GPC5: variants seen among roughly 807,000 people sequenced by gnomAD.
The protein encoded by GPC5 is glypican-5.
GPC5 carries 47 observed loss-of-function variants against 53.9 expected under a neutral mutation model. The observed-to-expected ratio is 0.87, with a 90% CI of 0.69 to 1.11. The LOEUF (loss-of-function observed/expected upper bound fraction) is 1.11, where lower values mean the gene tolerates loss of function less well. GPC5 is among the 50% of genes most tolerant of loss of function. The pLI is 0.00. For synonymous variants in GPC5, 286 were observed against 263.3 expected (o/e 1.09, Z -0.84); for missense variants, 748 against 713.1 (o/e 1.05, Z -0.56).
At chr13:92,624,058 C>T (rs1402107361) in intron 7 of GPC5, among the ~76,000 whole-genome samples, 1 of 147,552 alleles carries the variant, frequency 6.8e-6, no homozygotes, top group Non-Finnish European at 1.5e-5. Flanking sequence ...GACGGCGTTT[C>T]CCCACGTTGG....
chr13:91,692,138 T>C lies in GPC5; in HGVS notation c.326-1049T>C, dbSNP rs370828873. Among the ~76,000 whole-genome samples, 177 of 152,300 alleles carry C rather than the reference T, an allele frequency of 1.2e-3. 4 individuals carry two copies. In the South Asian group the frequency reaches 0.035, roughly 30 times the overall value. On this transcript the variant is annotated intron_variant, in intron 2 of 7. Coordinates refer to ENST00000377067, the MANE Select transcript of GPC5 (RefSeq NM_004466.6). ...ATTCTTGGTTCTTTTTGTGGATAAA[T>C]TGACTTGAGATCATCAGTTATTTAA...
intron 6 of GPC5, among the ~76,000 whole-genome samples, chr13:91,996,722 A>G (rs1020789867): frequency 1.1e-4 from 17 of 152,032 alleles, no homozygotes; most frequent in African/African-American, 3.9e-4. Flanking sequence ...TACTTCTAAC[A>G]CTGTAGTTTA....
At chr13:91,973,746 T>C (rs1222582873) in intron 6 of GPC5, among the ~76,000 whole-genome samples, 1 of 152,230 alleles carries the variant, frequency 6.6e-6, no homozygotes, top group Non-Finnish European at 1.5e-5. Context: ...TGACCCTGTT[T>C]GCCTGGGTGT....
chr13:92,358,466 G>A (rs746770493), intron 7 of GPC5, among the ~76,000 whole-genome samples: 5 of 151,702 alleles, frequency 3.3e-5, no homozygotes, highest in Non-Finnish European at 5.9e-5. Context: ...CTAGTAGGCC[G>A]TGCCCCAGTG....
intron 7 of GPC5, among the ~76,000 whole-genome samples, chr13:92,510,359 C>T (rs74385024): frequency 0.026 from 4,006 of 152,068 alleles, 190 homozygotes; most frequent in African/African-American, 0.091. Flanking sequence ...TCTTAAGATG[C>T]CAGTGGGTTA....
chr13:91,434,942 T>A, intron 1 of GPC5, among the ~76,000 whole-genome samples: 1 of 152,190 alleles, frequency 6.6e-6, no homozygotes, highest in Non-Finnish European at 1.5e-5. Flanking sequence ...TTATTCTCTT[T>A]GAAGCAATTG....
intron 7 of GPC5, among the ~76,000 whole-genome samples, chr13:92,335,174 G>A (rs889176928): frequency 7.9e-5 from 12 of 152,114 alleles, no homozygotes; most frequent in Admixed American, 1.3e-4. Context: ...ACATCCAGGC[G>A]TTTTCATACA....
intron 6 of GPC5, among the ~76,000 whole-genome samples, chr13:91,950,701 G>A (rs2040018963): frequency 1.3e-5 from 2 of 152,312 alleles, no homozygotes; most frequent in South Asian, 4.1e-4. Flanking sequence ...TGTATACTCT[G>A]CGCTTTCTAC....
chr13:91,677,054 A>G (rs1308990155), intron 2 of GPC5, among the ~76,000 whole-genome samples: 2 of 152,260 alleles, frequency 1.3e-5, no homozygotes, highest in Non-Finnish European at 2.9e-5. Flanking sequence ...AAGTGCAGTA[A>G]TAACAAGTGT....
intron 2 of GPC5, among the ~76,000 whole-genome samples, chr13:91,562,438 T>C (rs2031319346): frequency 6.6e-6 from 1 of 151,966 alleles, no homozygotes; most frequent in Admixed American, 6.6e-5. Flanking sequence ...GCATATGTTC[T>C]ATGATTAAAC....
intron 6 of GPC5, among the ~76,000 whole-genome samples, chr13:91,982,459 A>T (rs2138718928): frequency 6.6e-6 from 1 of 152,298 alleles, no homozygotes. Context: ...GAAACAAAAT[A>T]ATAAAAAAGC....
chr13:92,327,173 C>G (rs1433403400), intron 7 of GPC5, among the ~76,000 whole-genome samples: 2 of 152,108 alleles, frequency 1.3e-5, no homozygotes, highest in Non-Finnish European at 1.5e-5. Context: ...TTTGCCTTTG[C>G]CTTCTTCAAA....
At chr13:91,722,284 C>G (rs1234040200) in intron 3 of GPC5, among the ~76,000 whole-genome samples, 2 of 152,154 alleles carry the variant, frequency 1.3e-5, no homozygotes, top group Non-Finnish European at 2.9e-5. Context: ...TTTTCCATTT[C>G]TTATTTAACG....
In GPC5 at chr13:92,496,276, T is replaced by C. The variant is rs148560895; in HGVS notation, c.1561+351287T>C. ...ATCAATTTGTAATAGCAATGAATCA[T>C]AGGACAAGTTCAAACATTAGAAATA... is the stretch of plus-strand genomic sequence containing the variant. On this transcript the variant is annotated intron_variant, in intron 7 of 7. Coordinates refer to ENST00000377067, the MANE Select transcript of GPC5 (RefSeq NM_004466.6). Among the ~76,000 whole-genome samples the C allele has an allele frequency of 4.0e-3, 609 of 152,308 alleles. 7 individuals are homozygous for C. The highest frequency in any genetic ancestry group is 0.014 in the African/African-American group (592 of 41,580).
At chr13:92,631,362 T>A (rs1420328551) in intron 7 of GPC5, among the ~76,000 whole-genome samples, 1 of 152,100 alleles carries the variant, frequency 6.6e-6, no homozygotes, top group East Asian at 1.9e-4. Context: ...TTTTTCTCAA[T>A]TCAGTTTAAA....
intron 7 of GPC5, among the ~76,000 whole-genome samples, chr13:92,450,268 C>T (rs1254412837): frequency 6.6e-6 from 1 of 152,090 alleles, no homozygotes; most frequent in East Asian, 1.9e-4. Flanking sequence ...AGCTTGAGAA[C>T]AGAAGTATTT....
At chr13:92,693,009 A>G (rs1887458030) in intron 7 of GPC5, among the ~76,000 whole-genome samples, 1 of 151,822 alleles carries the variant, frequency 6.6e-6, no homozygotes, top group Non-Finnish European at 1.5e-5. Context: ...GTGGGTTCTA[A>G]TAATATCTGA....
intron 7 of GPC5, among the ~76,000 whole-genome samples, chr13:92,252,085 G>T (rs2042696424): frequency 6.6e-6 from 1 of 152,144 alleles, no homozygotes; most frequent in Non-Finnish European, 1.5e-5. Flanking sequence ...TAGAGCTTAA[G>T]TAACTTGGAA....
Position 91,847,087 on chromosome 13 carries a change from C to G in GPC5, c.1281-60850C>G, listed in dbSNP as rs376827330. On this transcript the variant is annotated intron_variant, in intron 5 of 7. Transcript: ENST00000377067. Reference sequence around the variant, plus strand: ...ACAAAAAATTAGCCGGGTGCGGTGGCGGGCACCTGTAGTCCCAGCTACTCG... The same window carrying G: ...ACAAAAAATTAGCCGGGTGCGGTGGGGGGCACCTGTAGTCCCAGCTACTCG... Among the ~76,000 whole-genome samples the G allele has an allele frequency of 1.9e-4, 29 of 151,580 alleles. 1 individual carries two copies. Among genetic ancestry groups the G allele is most frequent in the Non-Finnish European group, 3.5e-4 (24 of 67,896 alleles).
Sources: allele counts gnomAD v4.1 joint callset (sites outside exome capture counted in the v4.1 genomes callset), GRCh38; gene constraint gnomAD v4.1.1; transcripts MANE v1.5; gene names NCBI Gene and HGNC (gene_info 2026-07-23, HGNC 2026-07-21).